Variants in ENOX1 observed in about 807,000 individuals in gnomAD.
The protein encoded by ENOX1 is ecto-NOX disulfide-thiol exchanger 1, also known as candidate growth-related and time keeping constitutive hydroquinone (NADH) oxidase.
Under a neutral mutation model 82.5 loss-of-function variants are expected in ENOX1, and 42 were observed. The observed-to-expected ratio is 0.51, with a 90% confidence interval of 0.40 to 0.66. The LOEUF (loss-of-function observed/expected upper bound fraction) is 0.66, where lower values mean the gene tolerates loss of function less well. Among genes scored for constraint, ENOX1 ranks in the 30% least tolerant of loss-of-function variants. ENOX1 has a pLI of 0.00. For synonymous variants in ENOX1, 271 were observed against 282.2 expected (o/e 0.96, Z 0.40); for missense variants, 608 against 811.6 (o/e 0.75, Z 3.05).
At chr13:43,286,100 G>A (rs1271979090) in intron 12 of ENOX1, among the ~76,000 whole-genome samples, 5 of 152,184 alleles carry the variant, frequency 3.3e-5, no homozygotes, top group African/African-American at 9.6e-5. Context: ...AGCCAACCAT[G>A]TTGCTGGCAG....
At chr13:43,369,166 A>T (rs1296638305) in intron 5 of ENOX1, among the ~76,000 whole-genome samples, 1 of 151,924 alleles carries the variant, frequency 6.6e-6, no homozygotes. Flanking sequence ...TCTCTTTCCC[A>T]CTGTTCCTGG....
chr13:43,525,537 G>GT (rs1429740011), intron 2 of ENOX1, among the ~76,000 whole-genome samples: 1 of 151,838 alleles, frequency 6.6e-6, no homozygotes, highest in Non-Finnish European at 1.5e-5. Context: ...TTCTATTTTT[G>GT]TTTTTTTGAG....
At chr13:43,593,668 GTACACACACACACA>G (rs2081341341) in intron 2 of ENOX1, among the ~76,000 whole-genome samples, 1 of 17,842 alleles carries the variant, frequency 5.6e-5, no homozygotes, top group East Asian at 8.0e-4. Flanking sequence ...CCCAATCTCT[GTACACACACACACA>G]CACACACACA....
chr13:43,721,588 C>T (rs569978945), intron 1 of ENOX1, among the ~76,000 whole-genome samples: 40 of 151,870 alleles, frequency 2.6e-4, no homozygotes, highest in South Asian at 2.3e-3. Flanking sequence ...CCGTTTTAGC[C>T]GGGATGGTCT....
chr13:43,383,686 G>A (rs2052220449), intron 5 of ENOX1, among the ~76,000 whole-genome samples: 1 of 152,150 alleles, frequency 6.6e-6, no homozygotes, highest in Non-Finnish European at 1.5e-5. Context: ...TTATAGGGCT[G>A]CAATTACAGA....
At chr13:43,251,568 A>G (rs1356103930) in intron 14 of ENOX1, among the ~76,000 whole-genome samples, 1 of 152,216 alleles carries the variant, frequency 6.6e-6, no homozygotes, top group Non-Finnish European at 1.5e-5. Context: ...GATAAATTGT[A>G]GGAATCTAGA....
At chr13:43,420,795 G>A (rs892950956) in intron 3 of ENOX1, among the ~76,000 whole-genome samples, 1 of 152,118 alleles carries the variant, frequency 6.6e-6, no homozygotes, top group Non-Finnish European at 1.5e-5. Context: ...AAGTTTTGGG[G>A]TATTGGGGAG....
Position 43,351,859 on chromosome 13 carries a change from C to T in ENOX1, c.823+4060G>A, listed in dbSNP as rs568666088. Among the ~76,000 whole-genome samples, 6 of 151,962 alleles carry T rather than the reference C, an allele frequency of 3.9e-5. No homozygotes were observed. In the South Asian group the frequency reaches 6.3e-4, roughly 16 times the overall value. On this transcript the variant is annotated intron_variant, in intron 8 of 16. Transcript: ENST00000690772. Reference sequence around the variant, plus strand: ...CATTTGGGTTGGTTCCAAGTCTTTGCTATTGTGAATAATGCCAAGCAAAAT... The same window carrying T: ...CATTTGGGTTGGTTCCAAGTCTTTGTTATTGTGAATAATGCCAAGCAAAAT...
chr13:43,784,901 A>T (rs1952478491), intron 1 of ENOX1, among the ~76,000 whole-genome samples: 1 of 152,254 alleles, frequency 6.6e-6, no homozygotes, highest in Non-Finnish European at 1.5e-5. Context: ...TGCTAGAGGC[A>T]ATCACGCTTT....
intron 3 of ENOX1, among the ~76,000 whole-genome samples, chr13:43,436,002 A>G (rs2056006313): frequency 6.6e-6 from 1 of 152,064 alleles, no homozygotes; most frequent in African/African-American, 2.4e-5. Context: ...CAGGCAGGAA[A>G]TGGTAAACTC....
At chr13:43,426,228 T>A (rs1181620798) in intron 3 of ENOX1, among the ~76,000 whole-genome samples, 1 of 152,184 alleles carries the variant, frequency 6.6e-6, no homozygotes, top group Non-Finnish European at 1.5e-5. Flanking sequence ...GAAGGAGGCA[T>A]GAGCAAAAAT....
chr13:43,323,677 A>G (rs79611317), intron 10 of ENOX1, among the ~76,000 whole-genome samples: 2,384 of 152,298 alleles, frequency 0.016, 76 homozygotes, highest in African/African-American at 0.054. Context: ...CCCTCTGTAA[A>G]GTCTCTAAAT....
chr13:43,522,941 T>C (rs182353279), intron 2 of ENOX1, among the ~76,000 whole-genome samples: 198 of 152,304 alleles, frequency 1.3e-3, no homozygotes, highest in South Asian at 5.2e-3. Context: ...GTCACTGTTC[T>C]GTAGACCTTC....
chr13:43,451,353 C>T (rs2056955655), intron 3 of ENOX1, among the ~76,000 whole-genome samples: 1 of 152,148 alleles, frequency 6.6e-6, no homozygotes, highest in African/African-American at 2.4e-5. Flanking sequence ...ATAAATGTAT[C>T]TGGCCTAAAA....
At chr13:43,298,588 C>A in intron 11 of ENOX1, 58 bp from the exon 12 acceptor site, 1 of 1,486,056 alleles carries the variant, frequency 6.7e-7, no homozygotes, top group Non-Finnish European at 9.1e-7. Context: ...CTTGAGGAGG[C>A]CTTCTGTGGG....
At chr13:43,252,423 G>T (rs1168959825) in intron 14 of ENOX1, among the ~76,000 whole-genome samples, 1 of 152,218 alleles carries the variant, frequency 6.6e-6, no homozygotes, top group African/African-American at 2.4e-5. Flanking sequence ...CCCAGAGAGG[G>T]TGACAGGGAA....
At chr13:43,391,464 T>C (rs1298882587) in intron 5 of ENOX1, among the ~76,000 whole-genome samples, 3 of 152,124 alleles carry the variant, frequency 2.0e-5, no homozygotes, top group Admixed American at 1.3e-4. Flanking sequence ...GTCTACTCAA[T>C]ATCACCACTT....
At chr13:43,243,186 A>AT (rs1329905115) in intron 14 of ENOX1, among the ~76,000 whole-genome samples, 4 of 151,144 alleles carry the variant, frequency 2.6e-5, no homozygotes, top group South Asian at 4.2e-4. Context: ...TCCTAATGTA[A>AT]TTTTCTAAAA....
chr13:43,574,273 C>G (rs543726944), intron 2 of ENOX1, among the ~76,000 whole-genome samples: 12 of 152,134 alleles, frequency 7.9e-5, no homozygotes, highest in African/African-American at 2.9e-4. Flanking sequence ...AGAGGCCACG[C>G]GAAGGACTTT....
Sources: allele counts gnomAD v4.1 joint callset (sites outside exome capture counted in the v4.1 genomes callset), GRCh38; gene constraint gnomAD v4.1.1; transcripts MANE v1.5; gene names NCBI Gene and HGNC (gene_info 2026-07-23, HGNC 2026-07-21).